Variants in MFN1 observed in about 807,000 individuals in gnomAD.
MFN1 encodes the protein mitofusin 1.
In MFN1, 65 loss-of-function variants were observed where a neutral mutation model predicts 92.4. That is an observed-to-expected ratio of 0.70 (90% CI 0.58 to 0.86). The LOEUF (loss-of-function observed/expected upper bound fraction) is 0.86. MFN1 is among the 40% of genes least tolerant of loss of function. The pLI is 0.00. For synonymous variants in MFN1, 297 were observed against 300.9 expected (o/e 0.99, Z 0.13); for missense variants, 781 against 868.0 (o/e 0.90, Z 1.26).
At chr3:179,356,385 G>A (rs12487441) in intron 3 of MFN1, among the ~76,000 whole-genome samples, 30,562 of 152,148 alleles carry the variant, frequency 0.2, 3,443 homozygotes, top group Admixed American at 0.25. Context: ...GAATGCTCAG[G>A]CATCTCATCT....
chr3:179,375,216 G>T lies in MFN1; in HGVS notation c.976-4G>T, dbSNP rs779955116. ...TAATGTGTTACGGCTTGGGCCCCTC[G>T]CAGGAGTGTATCTCGCAGTCAGCAG... On this transcript the variant is annotated splice_region_variant and splice_polypyrimidine_tract_variant and intron_variant, in intron 9 of 17. Coordinates refer to ENST00000471841, the MANE Select transcript of MFN1 (RefSeq NM_033540.3). 1.2e-6 allele frequency: 2 copies of T among 1,607,572 alleles called. No homozygotes were observed. Among genetic ancestry groups the T allele is most frequent in the Non-Finnish European group, 1.7e-6 (2 of 1,177,594 alleles).
intron 4 of MFN1, among the ~76,000 whole-genome samples, chr3:179,362,100 T>C (rs1236207259): frequency 2.0e-5 from 3 of 152,216 alleles, no homozygotes; most frequent in African/African-American, 7.2e-5. Context: ...GAACAGAGAC[T>C]CCAGAACTTA....
intron 4 of MFN1, 59 bp from the exon 5 acceptor site, chr3:179,362,298 TA>T (rs1413446289): frequency 1.4e-4 from 199 of 1,465,340 alleles, no homozygotes; most frequent in Non-Finnish European, 3.4e-5. Context: ...ACAATGTTTT[TA>T]ATTTTTATTG....
chr3:179,353,722 A>G (rs1712243949), intron 3 of MFN1, among the ~76,000 whole-genome samples: 1 of 152,218 alleles, frequency 6.6e-6, no homozygotes, highest in Non-Finnish European at 1.5e-5. Context: ...CTAGCTCCAT[A>G]ACTGGTTATT....
Position 179,359,596 on chromosome 3 carries a change from C to CTTT in MFN1, c.411+615_411+617dup, listed in dbSNP as rs1167385875. On this transcript the variant is annotated intron_variant, in intron 4 of 17. Coordinates refer to ENST00000471841, the MANE Select transcript of MFN1 (RefSeq NM_033540.3). Reference sequence around the variant, plus strand: ...CCATCATGCCCAGCTAATTTTCGTACTTTTTTTTTTTTTTTTTTTTTTTAT... The same window carrying CTTT: ...CCATCATGCCCAGCTAATTTTCGTACTTTTTTTTTTTTTTTTTTTTTTTTTTAT... The CTTT allele has an allele frequency of 7.1e-3, 619 of 87,248 alleles. 7 individuals are homozygous for CTTT. The highest frequency in any genetic ancestry group is 9.9e-3 in the African/African-American group (205 of 20,618). The allele number at this position is 87,248 out of a possible 1,614,324, so 5.4% of individuals were successfully genotyped here. A position where few individuals can be genotyped will look rare whatever the true frequency, so the allele number is the denominator to read the frequency against.
intron 17 of MFN1, among the ~76,000 whole-genome samples, chr3:179,391,767 A>G (rs569153823): frequency 6.6e-6 from 1 of 152,322 alleles, no homozygotes; most frequent in East Asian, 1.9e-4. Flanking sequence ...TGTCCATAAG[A>G]AACACTGTGT....
rs1275949938 is a variant in MFN1, at chr3:179,393,401, G to A, written c.*1342G>A. The A allele has an allele frequency of 6.6e-6, 1 of 152,104 alleles. No individual in the cohort carries two copies. The highest frequency in any genetic ancestry group is 1.5e-5 in the Non-Finnish European group (1 of 68,016). 9.4% of individuals were successfully genotyped at this position (152,104 alleles called of 1,614,324 possible). ...TAGTTTATGTTTCCTTTTCATGGGAGGGATAAAATTTAAAGCTTTTTTTTT... is the reference window on the plus strand; with the variant it reads ...TAGTTTATGTTTCCTTTTCATGGGAAGGATAAAATTTAAAGCTTTTTTTTT... On this transcript the variant is annotated 3_prime_UTR_variant, in exon 18 of 18. Coordinates refer to ENST00000471841, the MANE Select transcript of MFN1 (RefSeq NM_033540.3).
chr3:179,391,838 T>C, intron 17 of MFN1, 143 bp from the exon 18 acceptor site: 1 of 566,740 alleles, frequency 1.8e-6, no homozygotes, highest in South Asian at 2.6e-5. Flanking sequence ...TAACTTAGGA[T>C]ATCCCGTGTA....
At chr3:179,377,653 A>C (rs183066811) in intron 12 of MFN1, among the ~76,000 whole-genome samples, 1 of 152,328 alleles carries the variant, frequency 6.6e-6, no homozygotes, top group East Asian at 1.9e-4. Context: ...TCATTTTAGG[A>C]CGAGGCACAG....
chr3:179,362,561 A>C (rs1303227004), intron 5 of MFN1, 79 bp downstream of exon 5: 26 of 1,291,314 alleles, frequency 2.0e-5, no homozygotes, highest in Non-Finnish European at 2.6e-5. Context: ...ATATGGTATA[A>C]AAAATTACAA....
intron 16 of MFN1, among the ~76,000 whole-genome samples, chr3:179,387,362 A>G (rs148051549): frequency 0.032 from 4,929 of 152,116 alleles, 259 homozygotes; most frequent in African/African-American, 0.11. Flanking sequence ...CCTGGCCAAC[A>G]TGGTGAAACC....
chr3:179,362,527 T>C (rs1404180158), intron 5 of MFN1, 45 bp downstream of exon 5: 1 of 1,590,968 alleles, frequency 6.3e-7, no homozygotes, highest in South Asian at 1.1e-5. Flanking sequence ...GTTTATTTAA[T>C]AGTATAATAC....
At chr3:179,385,445 G>T in intron 14 of MFN1, 124 bp from the exon 15 acceptor site, 2 of 714,656 alleles carry the variant, frequency 2.8e-6, no homozygotes. Context: ...TATATTTGTG[G>T]TGTACTCATC....
intron 4 of MFN1, chr3:179,359,665 C>G (rs1378323268): frequency 4.6e-5 from 6 of 130,852 alleles, no homozygotes; most frequent in Non-Finnish European, 9.4e-5. Context: ...GTCTTGAACT[C>G]TTGACCTCAG....
At chr3:179,358,793 T>A (rs1181934652) in intron 3 of MFN1, 47 bp from the exon 4 acceptor site, 1 of 1,557,748 alleles carries the variant, frequency 6.4e-7, no homozygotes, top group Non-Finnish European at 8.7e-7. Context: ...AAGAACTACT[T>A]TTTTTACTGT....
In MFN1 at chr3:179,378,368, A is replaced by G; in HGVS notation, c.1357A>G (p.Met453Val). The G allele has an allele frequency of 5.0e-6, 8 of 1,604,156 alleles. No individual in the cohort carries two copies. Among genetic ancestry groups the G allele is most frequent in the Non-Finnish European group, 6.8e-6 (8 of 1,177,392 alleles). The change falls in exon 13 of 18, where the codon ATG becomes GTG. Residue 453 changes from methionine (M) to valine (V), a missense_variant. Coordinates refer to ENST00000471841, the MANE Select transcript of MFN1 (RefSeq NM_033540.3). ...ATTAAATAAGCACATAGAGGATGGT[A>G]TGGGAAGAAATTTGGCTGATCGATG... is the stretch of plus-strand genomic sequence containing the variant. ...SELNKHIEDG[M>V]GRNLADRCTD...
chr3:179,348,821 T>G (rs1353907969), intron 1 of MFN1, 24 bp from the exon 2 acceptor site: 1 of 1,604,532 alleles, frequency 6.2e-7, no homozygotes, highest in East Asian at 2.2e-5. Flanking sequence ...TAGTTGGTGC[T>G]TTTCTAACTT....
Position 179,386,542 on chromosome 3 carries a change from T to G in MFN1, c.1925T>G (p.Phe642Cys). 1 of 1,614,112 alleles carries G rather than the reference T, an allele frequency of 6.2e-7. No homozygotes were observed. Among genetic ancestry groups the G allele is most frequent in the Non-Finnish European group, 8.5e-7 (1 of 1,179,988 alleles). ...SWTTHAKERA[F>C]KQQFVNYATE... ...ACCACCCATGCCAAGGAGCGAGCCT[T>G]TAAACAGCAGTTTGTAAACTATGCA... is the stretch of plus-strand genomic sequence containing the variant. Residue 642 changes from phenylalanine to cysteine, a missense_variant, in exon 16 of 18, where the codon TTT (phenylalanine) becomes TGT (cysteine). Coordinates refer to ENST00000471841, the MANE Select transcript of MFN1 (RefSeq NM_033540.3).
intron 7 of MFN1, among the ~76,000 whole-genome samples, chr3:179,366,251 G>T (rs927426651): frequency 2.6e-5 from 4 of 152,046 alleles, no homozygotes; most frequent in Non-Finnish European, 5.9e-5. Context: ...TGTACTTAGA[G>T]GTAAAACTGC....
Sources: allele counts gnomAD v4.1 joint callset (sites outside exome capture counted in the v4.1 genomes callset), GRCh38; gene constraint gnomAD v4.1.1; transcripts MANE v1.5; gene names NCBI Gene and HGNC (gene_info 2026-07-23, HGNC 2026-07-21).